The following SPMIP2 variants were observed in gnomAD, a reference collection of about 807,000 sequenced individuals.
SPMIP2 encodes protein SPMIP2.
the SPMIP2 span, among the ~76,000 whole-genome samples, chr4:159,041,501 G>C: frequency 6.6e-6 from 1 of 152,238 alleles, no homozygotes; most frequent in Non-Finnish European, 1.5e-5. Context: ...CCCATGAGCT[G>C]TCTGACACTG....
the SPMIP2 span, among the ~76,000 whole-genome samples, chr4:158,984,319 C>T: frequency 7.1e-6 from 1 of 141,668 alleles, no homozygotes; most frequent in African/African-American, 2.6e-5. Context: ...CCCAAATCCA[C>T]AGAATATACA....
chr4:158,967,948 C>T, the SPMIP2 span, among the ~76,000 whole-genome samples: 1 of 152,158 alleles, frequency 6.6e-6, no homozygotes, highest in African/African-American at 2.4e-5. Flanking sequence ...TTTTGAAAGG[C>T]AATAAAGTGC....
the SPMIP2 span, among the ~76,000 whole-genome samples, chr4:159,011,753 C>CA: frequency 0.65 from 84,155 of 129,430 alleles, 26,595 homozygotes; most frequent in Middle Eastern, 0.75. Flanking sequence ...AAACTCCATC[C>CA]CAAAAAAAAA....
chr4:159,075,311 A>G, the SPMIP2 span, among the ~76,000 whole-genome samples: 12 of 152,236 alleles, frequency 7.9e-5, no homozygotes, highest in African/African-American at 2.9e-4. Context: ...CAATTTAGTC[A>G]TATACATAAA....
chr4:158,968,569 T>A, the SPMIP2 span, among the ~76,000 whole-genome samples: 1 of 152,194 alleles, frequency 6.6e-6, no homozygotes, highest in Non-Finnish European at 1.5e-5. Flanking sequence ...ATTTCATACA[T>A]CCTGTATTCC....
At chr4:158,990,936 A>C in the SPMIP2 span, among the ~76,000 whole-genome samples, 2 of 152,152 alleles carry the variant, frequency 1.3e-5, no homozygotes, top group Non-Finnish European at 2.9e-5. Context: ...GGGTCTTGCT[A>C]TGTTGCCCAG....
the SPMIP2 span, among the ~76,000 whole-genome samples, chr4:158,928,559 C>T: frequency 2.0e-5 from 3 of 152,246 alleles, no homozygotes; most frequent in East Asian, 3.9e-4. Flanking sequence ...CACCAATCAG[C>T]GCCCTGTCAA....
chr4:158,944,456 T>C, the SPMIP2 span, among the ~76,000 whole-genome samples: 1 of 152,134 alleles, frequency 6.6e-6, no homozygotes, highest in Non-Finnish European at 1.5e-5. Context: ...ACAATCAGAG[T>C]TTGAATTTCC....
the SPMIP2 span, among the ~76,000 whole-genome samples, chr4:159,063,535 G>A: frequency 9.9e-3 from 1,492 of 150,280 alleles, 8 homozygotes; most frequent in Non-Finnish European, 0.016. Context: ...GGGCAACAGA[G>A]CAAAATCCTG....
chr4:159,050,338 T>C, the SPMIP2 span, among the ~76,000 whole-genome samples: 2 of 150,384 alleles, frequency 1.3e-5, no homozygotes, highest in East Asian at 2.0e-4. Context: ...GGAGGTGTGA[T>C]AGCATTTTTA....
the SPMIP2 span, among the ~76,000 whole-genome samples, chr4:158,981,417 A>T: frequency 6.6e-6 from 1 of 152,160 alleles, no homozygotes; most frequent in Admixed American, 6.5e-5. Flanking sequence ...GAGTCACCAA[A>T]GTTGAAATGA....
At chr4:158,896,334 C>T in the SPMIP2 span, among the ~76,000 whole-genome samples, 3 of 152,090 alleles carry the variant, frequency 2.0e-5, no homozygotes, top group Non-Finnish European at 4.4e-5. Context: ...ACAGTGCTTT[C>T]CTTCCTTTAT....
At chr4:158,984,678 C>T in the SPMIP2 span, among the ~76,000 whole-genome samples, 7 of 151,764 alleles carry the variant, frequency 4.6e-5, no homozygotes, top group Non-Finnish European at 1.0e-4. Context: ...CAAGAGAAAG[C>T]AGGAAAGATC....
the SPMIP2 span, among the ~76,000 whole-genome samples, chr4:158,966,892 T>A: frequency 6.6e-6 from 1 of 152,196 alleles, no homozygotes; most frequent in African/African-American, 2.4e-5. Context: ...TTCTAGAAAG[T>A]CACCTCTAAA....
At chr4:159,040,414 G>T in the SPMIP2 span, among the ~76,000 whole-genome samples, 1 of 151,758 alleles carries the variant, frequency 6.6e-6, no homozygotes, top group African/African-American at 2.4e-5. Context: ...CTCGTGATCC[G>T]CCCACCTCGG....
the SPMIP2 span, among the ~76,000 whole-genome samples, chr4:159,023,015 C>T: frequency 2.0e-5 from 3 of 150,054 alleles, no homozygotes; most frequent in African/African-American, 2.5e-5. Flanking sequence ...GGCGACAGAG[C>T]GAGACTCCAT....
chr4:159,074,694 T>C, the SPMIP2 span, among the ~76,000 whole-genome samples: 2,493 of 152,210 alleles, frequency 0.016, 41 homozygotes, highest in Admixed American at 0.047. Flanking sequence ...TGTTTTACAA[T>C]CTCAACAGAA....
chr4:159,021,086 A>C, the SPMIP2 span, among the ~76,000 whole-genome samples: 1 of 152,292 alleles, frequency 6.6e-6, no homozygotes, highest in East Asian at 1.9e-4. Context: ...GGAGGTCCAC[A>C]GTGGTGCAGC....
chr4:158,967,828 T>C, the SPMIP2 span, among the ~76,000 whole-genome samples: 2 of 152,210 alleles, frequency 1.3e-5, no homozygotes, highest in African/African-American at 2.4e-5. Context: ...CACTGTTGTA[T>C]AGGAGTTTAG....
Sources: allele counts gnomAD v4.1 joint callset (sites outside exome capture counted in the v4.1 genomes callset), GRCh38; gene constraint gnomAD v4.1.1; transcripts MANE v1.5; gene names NCBI Gene and HGNC (gene_info 2026-07-23, HGNC 2026-07-21).